Variants in ERC2 observed in about 807,000 individuals in gnomAD.
ERC2 encodes the protein ERC protein 2.
In ERC2, 42 loss-of-function variants were observed where a neutral mutation model predicts 114.8. The ratio of observed to expected loss-of-function variants is 0.37; its 90% CI spans 0.29 to 0.47. The LOEUF (loss-of-function observed/expected upper bound fraction) is 0.47. Ranked by LOEUF, ERC2 falls within the 20% of genes least tolerant of loss-of-function variation. The probability of loss-of-function intolerance (pLI) is 0.99; values close to 1 mark genes in which losing one functional copy is unlikely to be tolerated. For missense variants in ERC2, 939 were observed against 1,150.7 expected (o/e 0.82, Z 2.66); for synonymous variants, 454 against 425.5 (o/e 1.07, Z -0.82).
At chr3:56,242,449 C>T (rs1048560077) in intron 3 of ERC2, among the ~76,000 whole-genome samples, 29 of 150,652 alleles carry the variant, frequency 1.9e-4, no homozygotes, top group Admixed American at 1.3e-3. Flanking sequence ...CCTGTTCCCC[C>T]AAAACTATTG....
At chr3:56,173,574 A>G in intron 3 of ERC2, 54 bp from the exon 4 acceptor site, 1 of 1,546,256 alleles carries the variant, frequency 6.5e-7, no homozygotes, top group Non-Finnish European at 8.9e-7. Context: ...CCGTTACACC[A>G]CAACCTTTAC....
chr3:56,288,597 C>T (rs1196055115), intron 3 of ERC2, among the ~76,000 whole-genome samples: 1 of 152,126 alleles, frequency 6.6e-6, no homozygotes, highest in Non-Finnish European at 1.5e-5. Context: ...AAAGATAAGG[C>T]AAATGATGCT....
At chr3:55,608,456 CA>C (rs1348839584) in intron 17 of ERC2, among the ~76,000 whole-genome samples, 10 of 152,132 alleles carry the variant, frequency 6.6e-5, no homozygotes, top group African/African-American at 2.4e-4. Flanking sequence ...GTTGAGTTCC[CA>C]CTGCTCATTA....
At chr3:55,733,357 C>A (rs11920340) in intron 15 of ERC2, among the ~76,000 whole-genome samples, 1 of 151,794 alleles carries the variant, frequency 6.6e-6, no homozygotes, top group Admixed American at 6.6e-5. Context: ...GTGACTGGGA[C>A]CCTCCCTCTA....
intron 17 of ERC2, among the ~76,000 whole-genome samples, chr3:55,639,074 C>A (rs1048450292): frequency 6.6e-6 from 1 of 152,168 alleles, no homozygotes; most frequent in Non-Finnish European, 1.5e-5. Flanking sequence ...GATTCAGGGT[C>A]GGTGAGCTAT....
At chr3:56,427,036 T>C (rs1479334624) in intron 2 of ERC2, among the ~76,000 whole-genome samples, 2 of 132,136 alleles carry the variant, frequency 1.5e-5, no homozygotes, top group Middle Eastern at 4.1e-3. Flanking sequence ...CTGGATGTGG[T>C]GGTGTGGTCC....
intron 14 of ERC2, among the ~76,000 whole-genome samples, chr3:55,863,027 C>T (rs2062096152): frequency 6.6e-6 from 1 of 152,098 alleles, no homozygotes; most frequent in Non-Finnish European, 1.5e-5. Context: ...TTCCCATTTT[C>T]CCATTAGAGC....
intron 17 of ERC2, among the ~76,000 whole-genome samples, chr3:55,580,538 C>A (rs1195819229): frequency 6.6e-6 from 1 of 152,084 alleles, no homozygotes; most frequent in African/African-American, 2.4e-5. Flanking sequence ...ATCACAGGTG[C>A]TAATTGCTTT....
intron 3 of ERC2, among the ~76,000 whole-genome samples, chr3:56,180,465 A>T (rs1370455951): frequency 3.3e-5 from 5 of 152,234 alleles, no homozygotes; most frequent in African/African-American, 1.2e-4. Flanking sequence ...GTAAACATAC[A>T]ATGGAATATT....
At chr3:56,005,910 T>C (rs1203539133) in intron 10 of ERC2, among the ~76,000 whole-genome samples, 1 of 152,096 alleles carries the variant, frequency 6.6e-6, no homozygotes, top group Admixed American at 6.6e-5. Context: ...GTATGTCATA[T>C]ACCCAATACA....
chr3:55,778,790 G>A (rs2149044984), intron 14 of ERC2, among the ~76,000 whole-genome samples: 1 of 152,258 alleles, frequency 6.6e-6, no homozygotes, highest in South Asian at 2.1e-4. Flanking sequence ...GATAAAGGAT[G>A]TTCATGCATA....
chr3:55,609,264 G>A (rs766002329), intron 17 of ERC2, among the ~76,000 whole-genome samples: 2 of 152,232 alleles, frequency 1.3e-5, no homozygotes, highest in South Asian at 2.1e-4. Flanking sequence ...TCACCTGCAC[G>A]GCACAAGGTT....
chr3:55,898,898 G>C (rs181394133), intron 13 of ERC2, among the ~76,000 whole-genome samples: 1 of 152,260 alleles, frequency 6.6e-6, no homozygotes, highest in East Asian at 1.9e-4. Context: ...AGGAACTGGA[G>C]AAGAAAATAG....
At chr3:56,003,067 T>C in intron 10 of ERC2, 3 of 1,285,954 alleles carry the variant, frequency 2.3e-6, no homozygotes, top group South Asian at 2.5e-5. Flanking sequence ...TGCTTTGATA[T>C]GTTACAGCGG....
rs58085611 is a variant in ERC2, at chr3:55,742,498, C to G, written c.2565-7580G>C. On this transcript the variant is annotated intron_variant, in intron 14 of 17. Transcript: ENST00000288221. ...TTAGGAATGCATTCAATTACAAAAG[C>G]AGATGCTTAAAAAATGCATTCCATT... is the stretch of plus-strand genomic sequence containing the variant. Among the ~76,000 whole-genome samples, 8 of 152,270 alleles carry G rather than the reference C, an allele frequency of 5.3e-5. No individual in the cohort carries two copies. The East Asian group carries it at 1.4e-3, about 26-fold the overall frequency.
At chr3:56,097,686 G>A (rs2149797236) in intron 6 of ERC2, among the ~76,000 whole-genome samples, 1 of 152,328 alleles carries the variant, frequency 6.6e-6, no homozygotes, top group African/African-American at 2.4e-5. Flanking sequence ...GTAAGATGAA[G>A]AGGTGGAACT....
intron 3 of ERC2, among the ~76,000 whole-genome samples, chr3:56,212,589 C>T (rs781134657): frequency 3.3e-5 from 5 of 152,198 alleles, no homozygotes; most frequent in Admixed American, 3.3e-4. Context: ...TTTGATCCAG[C>T]AATCCCACTC....
At chr3:56,087,373 A>C (rs912063924) in intron 6 of ERC2, among the ~76,000 whole-genome samples, 1 of 152,180 alleles carries the variant, frequency 6.6e-6, no homozygotes, top group Non-Finnish European at 1.5e-5. Context: ...AAGCATTATT[A>C]ATCTTCATGT....
At chr3:56,138,607 C>T (rs2080662138) in intron 6 of ERC2, among the ~76,000 whole-genome samples, 1 of 152,196 alleles carries the variant, frequency 6.6e-6, no homozygotes, top group African/African-American at 2.4e-5. Context: ...ATCCAAACCT[C>T]CCCACAGATG....
Sources: gnomAD v4.1 joint callset for allele counts (sites outside exome capture counted in the v4.1 genomes callset) on GRCh38, gnomAD v4.1.1 for gene constraint, MANE v1.5 for transcripts, NCBI Gene and HGNC (gene_info 2026-07-23, HGNC 2026-07-21) for gene names.